Variants in DNAH2 observed in about 807,000 individuals in gnomAD.
DNAH2 encodes the protein axonemal beta dynein heavy chain 2.
A neutral mutation model predicts 523.5 loss-of-function variants in DNAH2; 323 were observed. That is an observed-to-expected ratio of 0.62 (90% CI 0.56 to 0.68). The LOEUF is 0.68. DNAH2 is among the 30% of genes least tolerant of loss of function. The pLI is 0.00. For synonymous variants in DNAH2, 2,093 were observed against 2,177.4 expected, an observed-to-expected ratio of 0.96 and a Z score of 1.08; for missense variants, 4,907 against 5,701.5, an observed-to-expected ratio of 0.86 and a Z score of 4.49.
chr17:7,824,479 CATGAGGA>C (rs2077963818), intron 76 of DNAH2, 51 bp from the exon 77 acceptor site: 1 of 1,452,342 alleles, frequency 6.9e-7, no homozygotes. Context: ...AGGTGGAAAG[CATGAGGA>C]CAGGCAGGGC....
In DNAH2 at chr17:7,805,314, C is replaced by A; in HGVS notation, c.9363C>A (p.Ala3121=). ...TCAAGTCTTATGGACGGCCCCCAGCCCAAGTGGAGATAGTGATGCAGGCAG... is the reference window on the plus strand; with the variant it reads ...TCAAGTCTTATGGACGGCCCCCAGCACAAGTGGAGATAGTGATGCAGGCAG... ...GEIKSYGRPP[A]QVEIVMQAVM... Residue 3121 remains alanine, a synonymous_variant, in exon 61 of 86, where the codon GCC becomes GCA. Coordinates refer to ENST00000572933, the MANE Select transcript of DNAH2 (RefSeq NM_020877.5). 1 of 1,614,186 alleles carries A rather than the reference C, an allele frequency of 6.2e-7. No individual in the cohort carries two copies. The highest frequency in any genetic ancestry group is 8.5e-7 in the Non-Finnish European group (1 of 1,180,036).
rs768048588 is a variant in DNAH2, at chr17:7,765,509, C to T, written c.3455C>T (p.Ser1152Leu). ...KEKFKTGLIH[S>L]ADDFKKKAHT... ...AAATTCAAGACAGGCCTGATCCACT[C>T]GGCAGATGACTTCAAGAAGAAAGCA... The change falls in exon 21 of 86, where the codon TCG becomes TTG. Residue 1152 changes from serine (S) to leucine (L), a missense_variant. Ser to Leu is a moderately radical substitution (Grantham distance 145). Transcript: ENST00000572933. The T allele has an allele frequency of 6.2e-6, 10 of 1,614,092 alleles. No individual in the cohort carries two copies. Among genetic ancestry groups the T allele is most frequent in the African/African-American group, 2.7e-5 (2 of 74,926 alleles).
chr17:7,751,879 A>C (rs911359461), intron 12 of DNAH2, among the ~76,000 whole-genome samples: 1 of 151,350 alleles, frequency 6.6e-6, no homozygotes, highest in Non-Finnish European at 1.5e-5. Context: ...ACTTTAGAAG[A>C]ATATCTTTAT....
Position 7,816,695 on chromosome 17 carries a change from G to A in DNAH2, c.9854G>A (p.Gly3285Glu). The A allele has an allele frequency of 6.2e-7, 1 of 1,614,192 alleles. No individual in the cohort carries two copies. The highest frequency in any genetic ancestry group is 1.1e-5 in the South Asian group (1 of 91,088). The change falls in exon 64 of 86, where the codon GGG (glycine) becomes GAG (glutamate). Residue 3285 changes from glycine (G) to glutamate (E), a missense_variant. Physicochemically the swap from Gly to Glu is moderately conservative, Grantham distance 98. This residue lies in a region of DNAH2 where 1,851 missense variants were observed against 2,139.4 expected (regional missense o/e 0.87). Coordinates refer to ENST00000572933, the MANE Select transcript of DNAH2 (RefSeq NM_020877.5). Reference sequence around the variant, plus strand: ...GAGCGAGCTGGGATGCTCGTGTCGGGGTTGGCTGGCGAGAAGGCCAGATGG... The same window carrying A: ...GAGCGAGCTGGGATGCTCGTGTCGGAGTTGGCTGGCGAGAAGGCCAGATGG... ...KLERAGMLVS[G>E]LAGEKARWEE...
chr17:7,728,797 T>G (rs2074902020), intron 4 of DNAH2, among the ~76,000 whole-genome samples: 1 of 151,982 alleles, frequency 6.6e-6, no homozygotes, highest in Non-Finnish European at 1.5e-5. Flanking sequence ...CCAGCCTGGG[T>G]AACATAGTGC....
Position 7,727,125 on chromosome 17 carries a change from C to T in DNAH2, c.232C>T (p.Pro78Ser). The T allele has an allele frequency of 6.4e-7, 1 of 1,558,204 alleles. No homozygotes were observed. The highest frequency in any genetic ancestry group is 2.2e-5 in the Admixed American group (1 of 46,126). ...GCCCTCTGCTCTCCTTCTGTAGAAG[C>T]CCCTCTTCCTTTCCCGAGCTGCGCT... ...ESVEPEADVK[P>S]LFLSRAALTG... The change falls in exon 4 of 86, where the codon CCC becomes TCC. Residue 78 changes from proline to serine, a missense_variant. Transcript: ENST00000572933.
In DNAH2 at chr17:7,792,081, A is replaced by G; in HGVS notation, c.7053+12A>G. 1 of 1,611,652 alleles carries G rather than the reference A, an allele frequency of 6.2e-7. No individual in the cohort carries two copies. The highest frequency in any genetic ancestry group is 8.5e-7 in the Non-Finnish European group (1 of 1,179,420). On this transcript the variant is annotated intron_variant, in intron 45 of 85. Transcript: ENST00000572933. ...CCTTTCCCAATAAGGTTGGGCGCAC[A>G]CCTGGCTGTCCTATTTGCCCTGTTT...
rs1282965059 is a variant in DNAH2 at position 7,778,372 on chromosome 17, A to C, written c.5444A>C (p.Asp1815Ala). 2 of 1,614,042 alleles carry C rather than the reference A, an allele frequency of 1.2e-6. No individual in the cohort carries two copies. The highest frequency in any genetic ancestry group is 1.7e-6 in the Non-Finnish European group (2 of 1,180,040). The change falls in exon 35 of 86, where the codon GAC becomes GCC. Residue 1815 changes from aspartate to alanine, a missense_variant. By Grantham distance (126) the Asp-to-Ala change is moderately radical. This residue lies in a region of DNAH2 where 2,806 missense variants were observed against 3,190.8 expected (regional missense o/e 0.88). Transcript: ENST00000572933. Reference protein sequence around the residue: ...AGTGKTETVKDLGKALGIYVI... With the variant: ...AGTGKTETVKALGKALGIYVI... ...ACAGGCAAGACCGAGACCGTCAAGG[A>C]CCTGGGCAAGGCCCTGGGCATATAT... is the stretch of plus-strand genomic sequence containing the variant.
chr17:7,830,899 G>C, intron 79 of DNAH2, 57 bp downstream of exon 79: 1 of 1,604,704 alleles, frequency 6.2e-7, no homozygotes, highest in South Asian at 1.1e-5. Context: ...GCCAGGTGGT[G>C]GGATCAGGGG....
At chr17:7,826,420 C>T (rs1409142788) in intron 77 of DNAH2, among the ~76,000 whole-genome samples, 1 of 152,076 alleles carries the variant, frequency 6.6e-6, no homozygotes, top group East Asian at 1.9e-4. Context: ...TGGGTCACTT[C>T]CTGCTATCCA....
At chr17:7,804,590 A>G in intron 59 of DNAH2, 124 bp downstream of exon 59, 1 of 1,137,446 alleles carries the variant, frequency 8.8e-7, no homozygotes, top group Non-Finnish European at 1.2e-6. Flanking sequence ...TCACGCCTGT[A>G]ATCCCAGCAC....
At chr17:7,766,246 G>A (rs1961778936) in intron 21 of DNAH2, 72 bp from the exon 22 acceptor site, 4 of 1,535,138 alleles carry the variant, frequency 2.6e-6, no homozygotes, top group African/African-American at 2.7e-5. Flanking sequence ...TGCCCACAAA[G>A]AGATAGGAGA....
chr17:7,733,159 G>C lies in DNAH2; in HGVS notation c.472G>C (p.Val158Leu), dbSNP rs758383301. The stretch of plus-strand genomic sequence containing the variant: ...CACCTGGGAGAACTTCGAGGCAACT[G>C]TGCAGTTTGGGACGGTGCGGGGCCC... ...PITWENFEATVQFGTVRGPYI... is the reference protein window; with the variant it reads ...PITWENFEATLQFGTVRGPYI... Residue 158 changes from valine to leucine, a missense_variant, in exon 5 of 86, where the codon GTG (valine) becomes CTG (leucine). Val to Leu is a conservative substitution (Grantham distance 32, BLOSUM62 1). This residue lies in a region of DNAH2 where 2,806 missense variants were observed against 3,190.8 expected (regional missense o/e 0.88). Transcript: ENST00000572933. 9.3e-6 allele frequency: 15 copies of C among 1,614,204 alleles called. No individual in the cohort carries two copies. The highest frequency in any genetic ancestry group is 1.2e-5 in the Non-Finnish European group (14 of 1,180,032).
chr17:7,768,722 A>G (rs2076237430), intron 24 of DNAH2, among the ~76,000 whole-genome samples: 1 of 152,146 alleles, frequency 6.6e-6, no homozygotes, highest in Admixed American at 6.5e-5. Context: ...GCCCCTGGTA[A>G]CCAGCACTCG....
In DNAH2 at chr17:7,771,337, T is replaced by G. The variant is rs141976760; in HGVS notation, c.4370T>G (p.Phe1457Cys). ...AACTTTTGGCCCCCTCAGAATATCTTCCTAGGAGAAGACATCCGCAAGCAG... is the reference window on the plus strand; with the variant it reads ...AACTTTTGGCCCCCTCAGAATATCTGCCTAGGAGAAGACATCCGCAAGCAG... ...QRQWMYLENI[F>C]LGEDIRKQLP... The change falls in exon 28 of 86, where the codon TTC becomes TGC. Residue 1457 changes from phenylalanine (F) to cysteine (C), a missense_variant. This residue lies in a region of DNAH2 where 2,806 missense variants were observed against 3,190.8 expected (regional missense o/e 0.88). Transcript: ENST00000572933. 1,523 of 1,614,068 alleles carry G rather than the reference T, an allele frequency of 9.4e-4. 1 individual carries two copies. The highest frequency in any genetic ancestry group is 1.2e-3 in the Non-Finnish European group (1,457 of 1,179,998).
At chr17:7,757,386 A>T in intron 13 of DNAH2, 149 bp downstream of exon 13, 1 of 1,090,538 alleles carries the variant, frequency 9.2e-7, no homozygotes. Flanking sequence ...TCCCACTCTT[A>T]CGGCCCTATC....
rs956482192 is a variant in DNAH2, at chr17:7,770,302, C to T, written c.3992C>T (p.Ser1331Phe). 1.9e-6 allele frequency: 3 copies of T among 1,613,762 alleles called. No homozygotes were observed. The highest frequency in any genetic ancestry group is 2.5e-6 in the Non-Finnish European group (3 of 1,179,914). ...DEIQREFDQE[S>F]ESFTLEQIVE... ...ATCCAGCGGGAGTTTGATCAGGAATCTGAAAGCTTCACCTTGGAGCAGATT... is the reference window on the plus strand; with the variant it reads ...ATCCAGCGGGAGTTTGATCAGGAATTTGAAAGCTTCACCTTGGAGCAGATT... Residue 1331 changes from serine to phenylalanine, a missense_variant, in exon 25 of 86, where the codon TCT (serine) becomes TTT (phenylalanine). Physicochemically the swap from Ser to Phe is radical, Grantham distance 155. Around this residue, in one of 3 missense-constraint regions of DNAH2, gnomAD observed 2,806 missense variants for 3,190.8 expected, o/e 0.88. Transcript: ENST00000572933.
intron 4 of DNAH2, among the ~76,000 whole-genome samples, chr17:7,730,187 G>A (rs2074944087): frequency 6.8e-6 from 1 of 147,748 alleles, no homozygotes; most frequent in African/African-American, 2.5e-5. Context: ...TAAGATAAAA[G>A]GGAGACTGCA....
At chr17:7,752,163 A>ACACACT (rs199736678) in intron 12 of DNAH2, among the ~76,000 whole-genome samples, 5,636 of 144,894 alleles carry the variant, frequency 0.039, 247 homozygotes, top group Admixed American at 0.11. Context: ...GTCATTTTAC[A>ACACACT]CACACACACA....
Sources: allele counts gnomAD v4.1 joint callset (sites outside exome capture counted in the v4.1 genomes callset), GRCh38; gene constraint gnomAD v4.1.1; regional missense constraint gnomAD v4.1.1; transcripts MANE v1.5; gene names NCBI Gene and HGNC (gene_info 2026-07-23, HGNC 2026-07-21).